Variants in SLC9C1 observed in about 807,000 individuals in gnomAD.
The protein encoded by SLC9C1 is solute carrier family 9 member C1.
SLC9C1 carries 97 observed loss-of-function variants against 140.9 expected under a neutral mutation model. The ratio of observed to expected loss-of-function variants is 0.69; its 90% confidence interval spans 0.58 to 0.82. The LOEUF (loss-of-function observed/expected upper bound fraction) is 0.82, where lower values mean the gene tolerates loss of function less well. Among genes scored for constraint, SLC9C1 ranks in the 40% least tolerant of loss-of-function variants. The pLI is 0.00. For missense variants in SLC9C1, 1,340 were observed against 1,389.3 expected, an observed-to-expected ratio of 0.96 and a Z score of 0.56; for synonymous variants, 440 against 442.6, an observed-to-expected ratio of 0.99 and a Z score of 0.07.
intron 1 of SLC9C1, among the ~76,000 whole-genome samples, chr3:112,288,149 A>G (rs2080573755): frequency 6.6e-6 from 1 of 151,702 alleles, no homozygotes. Flanking sequence ...CACACACATC[A>G]TATATACATA....
intron 28 of SLC9C1, among the ~76,000 whole-genome samples, chr3:112,147,121 G>C (rs2074822599): frequency 6.6e-6 from 1 of 152,046 alleles, no homozygotes; most frequent in Non-Finnish European, 1.5e-5. Context: ...AGTGACCCCT[G>C]CTCTTTTTTG....
At chr3:112,274,105 G>A (rs1382231154) in intron 6 of SLC9C1, among the ~76,000 whole-genome samples, 4 of 152,072 alleles carry the variant, frequency 2.6e-5, no homozygotes, top group Non-Finnish European at 5.9e-5. Flanking sequence ...CATCCTGAAA[G>A]GATCCTATGA....
At chr3:112,234,611 G>A (rs1037407776) in intron 12 of SLC9C1, among the ~76,000 whole-genome samples, 1 of 152,264 alleles carries the variant, frequency 6.6e-6, no homozygotes, top group South Asian at 2.1e-4. Flanking sequence ...ATGGTTTTAG[G>A]TCTAACATTT....
chr3:112,183,373 G>T (rs1157807690), intron 20 of SLC9C1, among the ~76,000 whole-genome samples: 2 of 33,876 alleles, frequency 5.9e-5, no homozygotes, highest in African/African-American at 1.8e-4. Context: ...TTTTTTTTCA[G>T]CCAATCACAA....
chr3:112,221,132 C>G lies in SLC9C1; in HGVS notation c.1666G>C (p.Gly556Arg), dbSNP rs1214975997. ...GAAESFGEKK[G>R]KCMSLDTIKN... ...ATCTCTTGAGAATATACTTACTTTC[C>G]CTTCTTCTCACCAAAACTTTCTGCT... is the stretch of plus-strand genomic sequence containing the variant. The change falls in exon 14 of 29, where the codon GGA becomes CGA. Residue 556 changes from glycine to arginine, a missense_variant. Physicochemically the swap from Gly to Arg is moderately radical, Grantham distance 125. Coordinates refer to ENST00000305815, the MANE Select transcript of SLC9C1 (RefSeq NM_183061.3). 1 of 1,612,408 alleles carries G rather than the reference C, an allele frequency of 6.2e-7. No homozygotes were observed. The highest frequency in any genetic ancestry group is 8.5e-7 in the Non-Finnish European group (1 of 1,178,860).
At position 112,266,299 on chromosome 3, in the gene SLC9C1, C is replaced by T; in HGVS notation, c.817G>A (p.Val273Met). ...GMSGIFTLAI[V>M]GLLLNSTSFK... is the part of the protein sequence containing the mutation. ...CTTGTAGAATTTAAAAGAAGTCCCA[C>T]AATGGCCAGAGTAAATATTCCTGAC... is the stretch of plus-strand genomic sequence containing the variant. Residue 273 changes from valine to methionine, a missense_variant, in exon 8 of 29, where the codon GTG becomes ATG. Physicochemically the swap from Val to Met is conservative, Grantham distance 21. Transcript: ENST00000305815. 6.2e-7 allele frequency: 1 copy of T among 1,611,014 alleles called. No homozygotes were observed. Among genetic ancestry groups the T allele is most frequent in the South Asian group, 1.1e-5 (1 of 89,834 alleles).
chr3:112,236,099 T>C (rs563120458), intron 12 of SLC9C1, among the ~76,000 whole-genome samples: 3 of 152,332 alleles, frequency 2.0e-5, no homozygotes, highest in Non-Finnish European at 4.4e-5. Context: ...CATCTGGTCC[T>C]GGACTTTTTT....
intron 23 of SLC9C1, among the ~76,000 whole-genome samples, chr3:112,173,112 T>G (rs1278496009): frequency 6.6e-6 from 1 of 152,206 alleles, no homozygotes; most frequent in Non-Finnish European, 1.5e-5. Context: ...AAAGTCTGTG[T>G]AAGATTCATA....
Position 112,182,210 on chromosome 3 carries a change from T to C in SLC9C1, c.2572A>G (p.Arg858Gly). The part of the protein sequence containing the change: ...KEVLDSQSII[R>G]PLTVEEVLYH... ...AGAACTTCTTCAACAGTAAGAGGCC[T>C]GATAATAGATTGAGAATCAAGCACC... is the stretch of plus-strand genomic sequence containing the variant. Residue 858 changes from arginine to glycine, a missense_variant, in exon 21 of 29, where the codon AGG becomes GGG. Physicochemically the swap from Arg to Gly is moderately radical, Grantham distance 125. Transcript: ENST00000305815. 6.2e-7 allele frequency: 1 copy of C among 1,607,346 alleles called. No homozygotes were observed. Among genetic ancestry groups the C allele is most frequent in the Non-Finnish European group, 8.5e-7 (1 of 1,176,986 alleles).
rs139714429 is a variant in SLC9C1 at position 112,173,265 on chromosome 3, G to A, written c.2920-3937C>T. Reference sequence around the variant, plus strand: ...TTCTAGTCCTTAAGTAAATTTTGACGTGTGTGCTTTTTAAAATTTTTTCAT... The same window carrying A: ...TTCTAGTCCTTAAGTAAATTTTGACATGTGTGCTTTTTAAAATTTTTTCAT... On this transcript the variant is annotated intron_variant, in intron 23 of 28. Transcript: ENST00000305815. Among the ~76,000 whole-genome samples, 372 of 152,260 alleles carry A rather than the reference G, an allele frequency of 2.4e-3. 1 individual carries two copies. Among genetic ancestry groups the A allele is most frequent in the African/African-American group, 7.9e-3 (327 of 41,552 alleles).
intron 26 of SLC9C1, among the ~76,000 whole-genome samples, chr3:112,160,557 A>G (rs1279096835): frequency 1.3e-5 from 2 of 151,778 alleles, no homozygotes; most frequent in Non-Finnish European, 2.9e-5. Flanking sequence ...ACTGAGAATG[A>G]TGATTTCCAA....
At chr3:112,200,619 C>A in intron 19 of SLC9C1, 92 bp downstream of exon 19, 1 of 1,185,012 alleles carries the variant, frequency 8.4e-7, no homozygotes. Context: ...AGTAGGTTTC[C>A]TCAAAGATTA....
chr3:112,211,393 C>T (rs1020592214), intron 15 of SLC9C1, among the ~76,000 whole-genome samples: 2 of 152,150 alleles, frequency 1.3e-5, no homozygotes, highest in African/African-American at 4.8e-5. Flanking sequence ...CGAGCATGAC[C>T]GAAGCAGGGC....
At chr3:112,165,902 C>G (rs1312440265) in intron 26 of SLC9C1, among the ~76,000 whole-genome samples, 1 of 152,230 alleles carries the variant, frequency 6.6e-6, no homozygotes, top group Non-Finnish European at 1.5e-5. Context: ...CCTCCTTGAG[C>G]TGCAGTGGGC....
Position 112,168,936 on chromosome 3 carries a change from C to T in SLC9C1, c.3178G>A (p.Asp1060Asn). 1 of 1,608,722 alleles carries T rather than the reference C, an allele frequency of 6.2e-7. No homozygotes were observed. Among genetic ancestry groups the T allele is most frequent in the Non-Finnish European group, 8.5e-7 (1 of 1,178,564 alleles). Reference protein sequence around the residue: ...YVILIHGAVEDCLLRKTYRAP... With the variant: ...YVILIHGAVENCLLRKTYRAP... ...CTATAAGTTTTTCGTAACAGACAAT[C>T]TTCTACAGCTCCATGTATGAGGATA... is the stretch of plus-strand genomic sequence containing the variant. Residue 1060 changes from aspartate to asparagine, a missense_variant, in exon 25 of 29, where the codon GAT (aspartate) becomes AAT (asparagine). Asp to Asn is a conservative substitution (Grantham distance 23). Transcript: ENST00000305815.
chr3:112,274,778 A>G (rs1348831970), intron 6 of SLC9C1, 119 bp downstream of exon 6: 3 of 983,544 alleles, frequency 3.1e-6, no homozygotes, highest in East Asian at 3.2e-5. Context: ...TCACTAAACC[A>G]ATACTCACTA....
chr3:112,246,175 C>G (rs2079277978), intron 10 of SLC9C1, among the ~76,000 whole-genome samples: 1 of 152,086 alleles, frequency 6.6e-6, no homozygotes, highest in Non-Finnish European at 1.5e-5. Flanking sequence ...CACATGACAT[C>G]AAGAGTGCAG....
At chr3:112,236,394 A>G (rs569840997) in intron 12 of SLC9C1, among the ~76,000 whole-genome samples, 4 of 151,986 alleles carry the variant, frequency 2.6e-5, no homozygotes, top group South Asian at 2.1e-4. Flanking sequence ...TGGTCTATCA[A>G]TTTGGTTGAT....
chr3:112,275,319 G>C (rs1021769663), intron 5 of SLC9C1, among the ~76,000 whole-genome samples: 1 of 152,088 alleles, frequency 6.6e-6, no homozygotes, highest in Non-Finnish European at 1.5e-5. Flanking sequence ...TGATAAATCA[G>C]ATATATTTAA....
Sources: allele counts gnomAD v4.1 joint callset (sites outside exome capture counted in the v4.1 genomes callset), GRCh38; gene constraint gnomAD v4.1.1; transcripts MANE v1.5; gene names NCBI Gene and HGNC (gene_info 2026-07-23, HGNC 2026-07-21).